Variants in SMOC2 observed in about 807,000 individuals in gnomAD.
The protein encoded by SMOC2 is SPARC related modular calcium binding 2, also known as SPARC-related modular calcium-binding protein 2.
A neutral mutation model predicts 61.4 loss-of-function variants in SMOC2; 39 were observed. The observed-to-expected ratio is 0.64, with a 90% CI of 0.49 to 0.83. The LOEUF is 0.83. SMOC2 is among the 40% of genes least tolerant of loss of function. The probability of loss-of-function intolerance (pLI) is 0.00; values close to 1 mark genes in which losing one functional copy is unlikely to be tolerated. For synonymous variants in SMOC2, 247 were observed against 239.9 expected, an observed-to-expected ratio of 1.03 and a Z score of -0.27; for missense variants, 556 against 592.9, an observed-to-expected ratio of 0.94 and a Z score of 0.65.
At chr6:168,607,082 G>C (rs954030874) in intron 8 of SMOC2, among the ~76,000 whole-genome samples, 2 of 152,006 alleles carry the variant, frequency 1.3e-5, no homozygotes, top group South Asian at 4.2e-4. Flanking sequence ...CCCATCTCCC[G>C]GGAACGCACC....
intron 1 of SMOC2, among the ~76,000 whole-genome samples, chr6:168,483,482 A>T (rs559986943): frequency 1.3e-5 from 2 of 152,280 alleles, no homozygotes; most frequent in East Asian, 3.9e-4. Flanking sequence ...ATGGATCAGT[A>T]TTAGTACTGC....
chr6:168,442,664 G>A (rs927285253), intron 1 of SMOC2, among the ~76,000 whole-genome samples: 4 of 152,234 alleles, frequency 2.6e-5, no homozygotes, highest in Non-Finnish European at 4.4e-5. Flanking sequence ...GCTGTGGTCG[G>A]TTCTGCCTTT....
At chr6:168,595,211 G>C (rs1480815136) in intron 7 of SMOC2, among the ~76,000 whole-genome samples, 83 of 132,520 alleles carry the variant, frequency 6.3e-4, no homozygotes, top group South Asian at 3.8e-3. Flanking sequence ...CATCTTTCTA[G>C]AGGATCTCCG....
chr6:168,625,812 C>G (rs745371406), intron 9 of SMOC2, among the ~76,000 whole-genome samples: 5 of 152,202 alleles, frequency 3.3e-5, no homozygotes, highest in African/African-American at 1.2e-4. Context: ...CCAGCTCCAC[C>G]GCTGAGCCAG....
At position 168,601,323 on chromosome 6, in the gene SMOC2, C is replaced by T. The variant is rs182282490; in HGVS notation, c.824+2319C>T. On this transcript the variant is annotated intron_variant, in intron 8 of 12. Transcript: ENST00000356284. The stretch of plus-strand genomic sequence containing the variant: ...CCTGGCCAGCGCTCCACCGTCCGGC[C>T]GCCCTGGCTGACCGCCTGCTCTCGA... 2.1e-3 allele frequency among the ~76,000 whole-genome samples: 316 copies of T among 152,290 alleles called. 4 individuals carry two copies. Among genetic ancestry groups the T allele is most frequent in the Admixed American group, 0.019 (290 of 15,302 alleles).
chr6:168,597,829 T>TC (rs775396730), intron 7 of SMOC2, among the ~76,000 whole-genome samples: 3 of 152,044 alleles, frequency 2.0e-5, no homozygotes, highest in Admixed American at 1.3e-4. Flanking sequence ...GCTACCGCTC[T>TC]CCCCCCAGGT....
intron 9 of SMOC2, among the ~76,000 whole-genome samples, chr6:168,623,125 C>A (rs1366055538): frequency 6.6e-6 from 1 of 152,094 alleles, no homozygotes; most frequent in East Asian, 1.9e-4. Context: ...TCTGTTCGTG[C>A]TCTATTGTCC....
At chr6:168,500,597 G>A (rs1465661649) in intron 1 of SMOC2, among the ~76,000 whole-genome samples, 7 of 152,056 alleles carry the variant, frequency 4.6e-5, no homozygotes, top group South Asian at 2.1e-4. Context: ...TAGGGACCCC[G>A]GGTGGCTACG....
At chr6:168,490,347 C>T (rs1306019837) in intron 1 of SMOC2, among the ~76,000 whole-genome samples, 1 of 152,198 alleles carries the variant, frequency 6.6e-6, no homozygotes, top group Non-Finnish European at 1.5e-5. Flanking sequence ...GACAGAGACT[C>T]CAGCCATCAT....
intron 7 of SMOC2, among the ~76,000 whole-genome samples, chr6:168,598,369 G>C (rs180867232): frequency 5.9e-5 from 9 of 152,190 alleles, no homozygotes; most frequent in Non-Finnish European, 1.2e-4. Context: ...GTCTAAACAC[G>C]ACCTTGCCCT....
chr6:168,518,222 G>A (rs756925563), intron 2 of SMOC2, among the ~76,000 whole-genome samples: 1 of 152,184 alleles, frequency 6.6e-6, no homozygotes, highest in African/African-American at 2.4e-5. Flanking sequence ...GGGCAGCATC[G>A]ACCTGTTCAT....
intron 7 of SMOC2, among the ~76,000 whole-genome samples, chr6:168,588,197 C>T (rs950985280): frequency 6.6e-6 from 1 of 151,336 alleles, no homozygotes; most frequent in African/African-American, 2.4e-5. Context: ...GATCTCGGCT[C>T]ACTGTAACCT....
intron 11 of SMOC2, among the ~76,000 whole-genome samples, chr6:168,654,342 C>A (rs576638547): frequency 0.01 from 486 of 47,680 alleles, 13 homozygotes; most frequent in African/African-American, 0.029. Flanking sequence ...AGGAACTCAC[C>A]AACCCTCTAC....
At chr6:168,575,861 C>T (rs1326945792) in intron 7 of SMOC2, among the ~76,000 whole-genome samples, 1 of 150,984 alleles carries the variant, frequency 6.6e-6, no homozygotes, top group Admixed American at 6.6e-5. Flanking sequence ...CAGTTCCTCT[C>T]TCAGGATCAT....
intron 12 of SMOC2, chr6:168,664,618 C>T: frequency 2.3e-6 from 1 of 425,762 alleles, no homozygotes; most frequent in South Asian, 1.8e-5. Context: ...TGCATTTCTG[C>T]TTCTTTTGGG....
chr6:168,552,069 C>T (rs554147689), intron 7 of SMOC2, among the ~76,000 whole-genome samples: 1 of 152,316 alleles, frequency 6.6e-6, no homozygotes, highest in Non-Finnish European at 1.5e-5. Flanking sequence ...GATTTACAGA[C>T]ACGGGGCATG....
intron 2 of SMOC2, among the ~76,000 whole-genome samples, chr6:168,524,675 A>T (rs1475928043): frequency 6.6e-6 from 1 of 152,276 alleles, no homozygotes; most frequent in Non-Finnish European, 1.5e-5. Context: ...AAGTCCAGCA[A>T]AGCAGTGATT....
intron 1 of SMOC2, among the ~76,000 whole-genome samples, chr6:168,501,295 C>T (rs1232776866): frequency 2.6e-5 from 4 of 152,136 alleles, no homozygotes; most frequent in African/African-American, 9.7e-5. Context: ...CCATTTTCAT[C>T]ATTGAAATTA....
chr6:168,488,532 T>G (rs952753596), intron 1 of SMOC2, among the ~76,000 whole-genome samples: 1 of 152,176 alleles, frequency 6.6e-6, no homozygotes, highest in African/African-American at 2.4e-5. Flanking sequence ...GTCTGCAGGG[T>G]GCGTCCATCT....
Sources: allele counts gnomAD v4.1 joint callset (sites outside exome capture counted in the v4.1 genomes callset), GRCh38; gene constraint gnomAD v4.1.1; transcripts MANE v1.5; gene names NCBI Gene and HGNC (gene_info 2026-07-23, HGNC 2026-07-21).